Variants in SHISA6 observed in about 807,000 individuals in gnomAD.
The protein encoded by SHISA6 is protein shisa-6.
In SHISA6, 22 loss-of-function variants were observed where a neutral mutation model predicts 47.9. The ratio of observed to expected loss-of-function variants is 0.46; its 90% CI spans 0.33 to 0.66. The LOEUF (loss-of-function observed/expected upper bound fraction) is 0.66, where lower values mean the gene tolerates loss of function less well. Ranked by LOEUF, SHISA6 falls within the 30% of genes least tolerant of loss-of-function variation. SHISA6 has a pLI of 0.02. For missense variants in SHISA6, 680 were observed against 764.6 expected, an observed-to-expected ratio of 0.89 and a Z score of 1.30; for synonymous variants, 388 against 337.8, an observed-to-expected ratio of 1.15 and a Z score of -1.63.
chr17:11,424,885 T>C lies in SHISA6; in HGVS notation c.895+45376T>C, dbSNP rs1444407564. ...GGGCATGGGCGTGGTGGCGGGTGCC[T>C]GTAGTTGCAGCTACTGGGGGCTGAG... On this transcript the variant is annotated intron_variant, in intron 3 of 5. Coordinates refer to ENST00000441885, the MANE Select transcript of SHISA6 (RefSeq NM_207386.4). Among the ~76,000 whole-genome samples the C allele has an allele frequency of 2.0e-5, 3 of 151,442 alleles. No individual in the cohort carries two copies. The East Asian group carries it at 5.9e-4, about 30-fold the overall frequency.
rs575976683 is a variant in SHISA6, at chr17:11,384,753, C to T, written c.895+5244C>T. On this transcript the variant is annotated intron_variant, in intron 3 of 5. Transcript: ENST00000441885. Reference sequence around the variant, plus strand: ...GATGATGCGAGTTACTGCCTGCCCTCCTCTGATATTTCTCACCACTCACCA... The same window carrying T: ...GATGATGCGAGTTACTGCCTGCCCTTCTCTGATATTTCTCACCACTCACCA... Among the ~76,000 whole-genome samples, 59 of 152,278 alleles carry T rather than the reference C, an allele frequency of 3.9e-4. 1 individual carries two copies. In the South Asian group the frequency reaches 4.4e-3, roughly 11 times the overall value.
chr17:11,412,731 C>A (rs754281946), intron 3 of SHISA6, among the ~76,000 whole-genome samples: 1 of 151,922 alleles, frequency 6.6e-6, no homozygotes, highest in East Asian at 1.9e-4. Context: ...TTAGTAGAGA[C>A]GGGGGAAGAA....
In SHISA6 at chr17:11,261,278, T is replaced by G. The variant is rs75474049; in HGVS notation, c.639-2088T>G. On this transcript the variant is annotated intron_variant, in intron 1 of 5. Transcript: ENST00000441885. ...ACATGGGTGTGGGACCAGGAGCATT[T>G]CCATAGCTGCCATGCACTTTACAAC... Among the ~76,000 whole-genome samples, 358 of 152,266 alleles carry G rather than the reference T, an allele frequency of 2.4e-3. 5 individuals carry two copies. Among genetic ancestry groups the G allele is most frequent in the African/African-American group, 8.2e-3 (339 of 41,558 alleles).
chr17:11,260,762 C>T (rs763703111), intron 1 of SHISA6, among the ~76,000 whole-genome samples: 1 of 151,844 alleles, frequency 6.6e-6, no homozygotes, highest in Non-Finnish European at 1.5e-5. Context: ...TCCTTGGCTC[C>T]ATCTCCCATT....
intron 3 of SHISA6, among the ~76,000 whole-genome samples, chr17:11,426,221 C>T (rs1198255226): frequency 1.3e-5 from 2 of 152,058 alleles, no homozygotes; most frequent in Non-Finnish European, 1.5e-5. Context: ...AAGGGAAATC[C>T]TAAAAGTGCC....
intron 1 of SHISA6, among the ~76,000 whole-genome samples, chr17:11,255,255 T>A (rs1907964008): frequency 6.6e-6 from 1 of 152,150 alleles, no homozygotes; most frequent in Non-Finnish European, 1.5e-5. Context: ...GATATTTGCA[T>A]TAGTGTGAAG....
At chr17:11,390,330 T>C (rs1418691590) in intron 3 of SHISA6, among the ~76,000 whole-genome samples, 1 of 152,164 alleles carries the variant, frequency 6.6e-6, no homozygotes, top group African/African-American at 2.4e-5. Flanking sequence ...ATCAGGGCTG[T>C]TGTGGAGACT....
intron 2 of SHISA6, among the ~76,000 whole-genome samples, chr17:11,264,952 A>AT (rs1490798095): frequency 6.6e-6 from 1 of 152,224 alleles, no homozygotes; most frequent in Admixed American, 6.5e-5. Flanking sequence ...GATTCATCCA[A>AT]AGTTAAAAAC....
At chr17:11,475,689 CTTTTT>C (rs1231077140) in intron 3 of SHISA6, among the ~76,000 whole-genome samples, 6 of 151,726 alleles carry the variant, frequency 4.0e-5, no homozygotes, top group African/African-American at 1.2e-4. Context: ...GCTTAGGTTT[CTTTTT>C]TTGAGGATTT....
At chr17:11,546,807 G>A (rs1253415475) in intron 3 of SHISA6, among the ~76,000 whole-genome samples, 1 of 152,140 alleles carries the variant, frequency 6.6e-6, no homozygotes, top group Non-Finnish European at 1.5e-5. Flanking sequence ...TGTAATCCCA[G>A]CTACTCGGGA....
intron 3 of SHISA6, among the ~76,000 whole-genome samples, chr17:11,526,117 C>A (rs1429115851): frequency 6.6e-6 from 1 of 151,980 alleles, no homozygotes; most frequent in South Asian, 2.1e-4. Flanking sequence ...GGGACCCCCC[C>A]CCGCTCTCTG....
intron 5 of SHISA6, among the ~76,000 whole-genome samples, chr17:11,556,273 T>C (rs1469245026): frequency 6.6e-6 from 1 of 152,080 alleles, no homozygotes; most frequent in Non-Finnish European, 1.5e-5. Flanking sequence ...GCCAGAACTT[T>C]CTCTGAGACC....
intron 3 of SHISA6, among the ~76,000 whole-genome samples, chr17:11,383,426 C>A (rs1913093130): frequency 6.6e-6 from 1 of 152,128 alleles, no homozygotes; most frequent in Admixed American, 6.5e-5. Flanking sequence ...AACGCGTATT[C>A]TTTTGTTAGT....
At chr17:11,441,776 C>T (rs965857851) in intron 3 of SHISA6, among the ~76,000 whole-genome samples, 1 of 152,170 alleles carries the variant, frequency 6.6e-6, no homozygotes, top group Non-Finnish European at 1.5e-5. Context: ...TTCCCACTAA[C>T]TTCATTCAGA....
At chr17:11,320,776 G>A (rs1436144870) in intron 2 of SHISA6, among the ~76,000 whole-genome samples, 1 of 152,202 alleles carries the variant, frequency 6.6e-6, no homozygotes, top group Non-Finnish European at 1.5e-5. Context: ...CTCATTTTTA[G>A]AGCCTACATC....
intron 3 of SHISA6, among the ~76,000 whole-genome samples, chr17:11,504,583 C>T (rs999579285): frequency 6.6e-6 from 1 of 152,100 alleles, no homozygotes; most frequent in Non-Finnish European, 1.5e-5. Context: ...TCACATGCAT[C>T]GGCCCAGGCA....
intron 2 of SHISA6, among the ~76,000 whole-genome samples, chr17:11,300,149 C>CAAAAAAA (rs56060137): frequency 2.3e-5 from 3 of 129,158 alleles, no homozygotes; most frequent in Non-Finnish European, 4.8e-5. Context: ...CATCTTAAAA[C>CAAAAAAA]AAAAAAAAAA....
At chr17:11,533,600 T>A (rs559393795) in intron 3 of SHISA6, among the ~76,000 whole-genome samples, 106 of 144,066 alleles carry the variant, frequency 7.4e-4, no homozygotes, top group African/African-American at 2.6e-3. Flanking sequence ...TTTTTTTTTT[T>A]TTTTTTTTTT....
chr17:11,241,525 C>G lies in SHISA6; in HGVS notation c.103C>G (p.Leu35Val). The G allele has an allele frequency of 8.9e-7, 1 of 1,126,140 alleles. No homozygotes were observed. The highest frequency in any genetic ancestry group is 1.1e-6 in the Non-Finnish European group (1 of 919,254). The allele number at this position is 1,126,140 out of a possible 1,614,324, so 69.8% of individuals were successfully genotyped here. A position where few individuals can be genotyped will look rare whatever the true frequency, so the allele number is the denominator to read the frequency against. The change falls in exon 1 of 6, where the codon CTG (leucine) becomes GTG (valine). Residue 35 changes from leucine (L) to valine (V), a missense_variant. This residue lies in a region of SHISA6 where 121 missense variants were observed against 90.5 expected (regional missense o/e 1.34). Transcript: ENST00000441885. This position sits in a 1 kb window ranked among gnomAD's most constrained non-coding sequence, Gnocchi z 5.5. ...CCGCGGCCGCGCCGCCAACCGGACC[C>G]TGAGTGCAGGCGGCGCTGCCGTCGG... Reference protein sequence around the residue: ...GARGRAANRTLSAGGAAVGGR... With the variant: ...GARGRAANRTVSAGGAAVGGR...
Sources: allele counts gnomAD v4.1 joint callset (sites outside exome capture counted in the v4.1 genomes callset), GRCh38; gene constraint gnomAD v4.1.1; regional missense constraint gnomAD v4.1.1; non-coding constraint Gnocchi (gnomAD v3.1); transcripts MANE v1.5; gene names NCBI Gene and HGNC (gene_info 2026-07-23, HGNC 2026-07-21).